CD96: variants seen among roughly 807,000 people sequenced by gnomAD.
The protein encoded by CD96 is CD96 molecule, also known as T-cell surface protein tactile.
A neutral mutation model predicts 71.3 loss-of-function variants in CD96; 70 were observed. The ratio of observed to expected loss-of-function variants is 0.98; its 90% CI spans 0.81 to 1.20. The LOEUF (loss-of-function observed/expected upper bound fraction) is 1.20, where lower values mean the gene tolerates loss of function less well. Among genes scored for constraint, CD96 ranks in the 50% most tolerant of loss-of-function variants. The pLI is 0.00. For missense variants in CD96, 742 were observed against 677.5 expected, an observed-to-expected ratio of 1.10 and a Z score of -1.06; for synonymous variants, 248 against 233.0, an observed-to-expected ratio of 1.06 and a Z score of -0.59.
chr3:111,574,905 T>A (rs2107571319), intron 3 of CD96, among the ~76,000 whole-genome samples: 1 of 151,876 alleles, frequency 6.6e-6, no homozygotes, highest in Middle Eastern at 3.4e-3. Flanking sequence ...CACCTCAGCC[T>A]CCCAAGGAAC....
At chr3:111,588,737 A>G (rs1319283798) in intron 5 of CD96, among the ~76,000 whole-genome samples, 1 of 152,160 alleles carries the variant, frequency 6.6e-6, no homozygotes, top group Non-Finnish European at 1.5e-5. Flanking sequence ...TGATTCAGTT[A>G]CCTCTCACTG....
chr3:111,616,082 TC>T (rs1340875325), intron 8 of CD96, among the ~76,000 whole-genome samples: 4 of 152,114 alleles, frequency 2.6e-5, no homozygotes, highest in Non-Finnish European at 5.9e-5. Flanking sequence ...CATTTCCTGT[TC>T]CCCTTTTTTG....
intron 6 of CD96, among the ~76,000 whole-genome samples, chr3:111,599,374 A>G (rs986530351): frequency 6.6e-6 from 1 of 152,068 alleles, no homozygotes; most frequent in African/African-American, 2.4e-5. Context: ...TTTATTTTTA[A>G]AAAAAATTCA....
chr3:111,661,916 A>G (rs1940368571), intron 14 of CD96, among the ~76,000 whole-genome samples: 1 of 152,176 alleles, frequency 6.6e-6, no homozygotes, highest in Non-Finnish European at 1.5e-5. Context: ...GGGACTATGT[A>G]TGGGGGTTCC....
chr3:111,555,597 T>C (rs1934960314), intron 2 of CD96, among the ~76,000 whole-genome samples: 1 of 152,304 alleles, frequency 6.6e-6, no homozygotes, highest in African/African-American at 2.4e-5. Flanking sequence ...GGATGAGCTT[T>C]TGTTTTTGTT....
At chr3:111,590,840 C>T (rs1936943179) in intron 5 of CD96, among the ~76,000 whole-genome samples, 1 of 152,208 alleles carries the variant, frequency 6.6e-6, no homozygotes, top group South Asian at 2.1e-4. Flanking sequence ...AGAGTGTACT[C>T]AGCAGTTCAG....
chr3:111,623,493 GAAAT>G (rs1938603911), intron 8 of CD96, among the ~76,000 whole-genome samples: 1 of 152,110 alleles, frequency 6.6e-6, no homozygotes, highest in Admixed American at 6.6e-5. Context: ...AGTAGACACT[GAAAT>G]AATATATTTT....
At chr3:111,647,166 A>C (rs551244371) in intron 12 of CD96, among the ~76,000 whole-genome samples, 1 of 151,956 alleles carries the variant, frequency 6.6e-6, no homozygotes, top group African/African-American at 2.4e-5. Context: ...GTACACCAAA[A>C]TCCCCACAGC....
At chr3:111,641,857 A>T (rs1348219626) in intron 12 of CD96, among the ~76,000 whole-genome samples, 1 of 152,196 alleles carries the variant, frequency 6.6e-6, no homozygotes, top group Non-Finnish European at 1.5e-5. Context: ...CTTCAAAACC[A>T]CGCAAATACA....
intron 7 of CD96, among the ~76,000 whole-genome samples, chr3:111,606,037 A>T (rs1193531196): frequency 1.3e-5 from 2 of 152,196 alleles, no homozygotes; most frequent in African/African-American, 4.8e-5. Context: ...AAATACAGTA[A>T]TGGAGATTTA....
At chr3:111,549,626 A>G (rs1934594679) in intron 2 of CD96, among the ~76,000 whole-genome samples, 1 of 152,144 alleles carries the variant, frequency 6.6e-6, no homozygotes, top group Non-Finnish European at 1.5e-5. Context: ...AAATAGAAGA[A>G]TGTTTAGATT....
chr3:111,633,618 G>T (rs1442262713), intron 10 of CD96: 2 of 152,252 alleles, frequency 1.3e-5, no homozygotes, highest in Admixed American at 1.3e-4. Context: ...CCATGGTTAA[G>T]GCATAAGCCC....
intron 5 of CD96, among the ~76,000 whole-genome samples, chr3:111,597,291 T>G (rs1485133869): frequency 6.6e-6 from 1 of 152,186 alleles, no homozygotes; most frequent in Admixed American, 6.5e-5. Flanking sequence ...CACTGGATAT[T>G]TTCACCAGAC....
At chr3:111,647,460 T>A in intron 12 of CD96, 83 bp from the exon 13 acceptor site, 1 of 1,252,928 alleles carries the variant, frequency 8.0e-7, no homozygotes. Flanking sequence ...AAAATATGTT[T>A]CACGTAGGAA....
Position 111,579,544 on chromosome 3 carries a change from C to T in CD96, c.751+310C>T, listed in dbSNP as rs907216723. 1.3e-5 allele frequency: 5 copies of T among 390,114 alleles called. No homozygotes were observed. The Admixed American group carries it at 1.4e-4, about 11-fold the overall frequency. 24.2% of individuals were successfully genotyped at this position (390,114 alleles called of 1,614,324 possible). ...GTAAAGAAAAGGAATTTATTACTTA[C>T]AGTTATGGAGGCTAAGTCCAAGGTC... On this transcript the variant is annotated intron_variant, in intron 4 of 13. Coordinates refer to ENST00000352690, the MANE Select transcript of CD96 (RefSeq NM_005816.5).
At chr3:111,646,746 A>C (rs1040834603) in intron 12 of CD96, among the ~76,000 whole-genome samples, 7 of 152,084 alleles carry the variant, frequency 4.6e-5, no homozygotes, top group African/African-American at 9.7e-5. Context: ...AAATTGTTCT[A>C]CCATAAAGAC....
intron 12 of CD96, among the ~76,000 whole-genome samples, chr3:111,640,482 T>G (rs1939539391): frequency 6.6e-6 from 1 of 152,070 alleles, no homozygotes; most frequent in Admixed American, 6.5e-5. Context: ...CCCAAAAGTC[T>G]GGGATTATGT....
intron 8 of CD96, among the ~76,000 whole-genome samples, chr3:111,613,744 A>G (rs1157371369): frequency 6.6e-6 from 1 of 152,254 alleles, no homozygotes; most frequent in East Asian, 1.9e-4. Context: ...ATAGAATGAA[A>G]GGCCCAATGG....
At chr3:111,623,868 A>G in intron 9 of CD96, 46 bp downstream of exon 9, 1 of 1,222,518 alleles carries the variant, frequency 8.2e-7, no homozygotes, top group South Asian at 1.2e-5. Flanking sequence ...GAGACAACAC[A>G]CTCACAAGTT....
Sources: allele counts gnomAD v4.1 joint callset (sites outside exome capture counted in the v4.1 genomes callset), GRCh38; gene constraint gnomAD v4.1.1; transcripts MANE v1.5; gene names NCBI Gene and HGNC (gene_info 2026-07-23, HGNC 2026-07-21).